The following SLC35F1 variants were observed in gnomAD, a reference collection of about 807,000 sequenced individuals.
SLC35F1 encodes chromosome 6 open reading frame 169.
A neutral mutation model predicts 48.7 loss-of-function variants in SLC35F1; 14 were observed. The observed-to-expected ratio is 0.29, with a 90% CI of 0.19 to 0.45. The LOEUF (loss-of-function observed/expected upper bound fraction) is 0.45. Ranked by LOEUF, SLC35F1 falls within the 20% of genes least tolerant of loss-of-function variation. SLC35F1 has a pLI of 1.00. For synonymous variants in SLC35F1, 190 were observed against 202.2 expected (o/e 0.94, Z 0.51); for missense variants, 404 against 500.0 (o/e 0.81, Z 1.83).
chr6:118,300,536 A>G (rs1776244174), intron 7 of SLC35F1, among the ~76,000 whole-genome samples: 1 of 152,242 alleles, frequency 6.6e-6, no homozygotes. Flanking sequence ...TCAGTTTGAA[A>G]ACAAAGCTAG....
At chr6:118,189,586 T>C (rs1196159502) in intron 2 of SLC35F1, among the ~76,000 whole-genome samples, 1 of 152,238 alleles carries the variant, frequency 6.6e-6, no homozygotes. Context: ...ATTTTGTTGA[T>C]TGTATACTTT....
At chr6:118,066,418 C>T (rs1337197297) in intron 1 of SLC35F1, among the ~76,000 whole-genome samples, 3 of 152,174 alleles carry the variant, frequency 2.0e-5, no homozygotes, top group African/African-American at 4.8e-5. Context: ...CAGTAAGAAG[C>T]GTCAGTCTTC....
chr6:117,945,180 C>A lies in SLC35F1; in HGVS notation c.173+37281C>A, dbSNP rs111947068. 6.3e-3 allele frequency among the ~76,000 whole-genome samples: 953 copies of A among 152,258 alleles called. 9 individuals carry two copies. Among genetic ancestry groups the A allele is most frequent in the African/African-American group, 0.022 (902 of 41,536 alleles). ...GTGGGGCTCCGAGGGCCAGTGCTGTCCCCATCCGTGGGTCATCTGGCAATT... is the reference window on the plus strand; with the variant it reads ...GTGGGGCTCCGAGGGCCAGTGCTGTACCCATCCGTGGGTCATCTGGCAATT... On this transcript the variant is annotated intron_variant, in intron 1 of 7. Coordinates refer to ENST00000360388, the MANE Select transcript of SLC35F1 (RefSeq NM_001029858.4).
chr6:118,132,044 A>T (rs1773721848), intron 1 of SLC35F1, among the ~76,000 whole-genome samples: 3 of 152,152 alleles, frequency 2.0e-5, no homozygotes, highest in Non-Finnish European at 2.9e-5. Flanking sequence ...CAAGAAATGG[A>T]TATACAGATT....
chr6:117,966,290 C>T (rs1438091921), intron 1 of SLC35F1, among the ~76,000 whole-genome samples: 1 of 152,142 alleles, frequency 6.6e-6, no homozygotes, highest in Non-Finnish European at 1.5e-5. Flanking sequence ...ACACTCACGG[C>T]AAAGGTCTTC....
intron 2 of SLC35F1, among the ~76,000 whole-genome samples, chr6:118,183,919 TC>T (rs1774619992): frequency 6.6e-6 from 1 of 152,200 alleles, no homozygotes; most frequent in Admixed American, 6.5e-5. Context: ...AGTCTCTTAT[TC>T]TTTGACCTTT....
At chr6:118,220,237 TC>T (rs1432143104) in intron 2 of SLC35F1, among the ~76,000 whole-genome samples, 1 of 151,908 alleles carries the variant, frequency 6.6e-6, no homozygotes, top group Non-Finnish European at 1.5e-5. Flanking sequence ...ACAATTAAGT[TC>T]CCAAATCAAG....
chr6:118,117,381 G>A (rs1773489325), intron 1 of SLC35F1, among the ~76,000 whole-genome samples: 2 of 151,992 alleles, frequency 1.3e-5, no homozygotes, highest in East Asian at 3.9e-4. Context: ...CAAATGGAGA[G>A]GAAAAATAAC....
intron 2 of SLC35F1, among the ~76,000 whole-genome samples, chr6:118,224,888 A>G (rs980091260): frequency 6.6e-6 from 1 of 152,140 alleles, no homozygotes; most frequent in Admixed American, 6.6e-5. Flanking sequence ...TCCAATTTGG[A>G]TACCCTTTAT....
chr6:117,923,611 A>ATGTACATATACGTATATG lies in SLC35F1; in HGVS notation c.173+15713_173+15714insGTACATATACGTATATGT, dbSNP rs1554216657. ...TATATACATATGTGTATATATACAT[A>ATGTACATATACGTATATG]TACATATGTATATATACATATATGT... is the stretch of plus-strand genomic sequence containing the variant. On this transcript the variant is annotated intron_variant, in intron 1 of 7. Coordinates refer to ENST00000360388, the MANE Select transcript of SLC35F1 (RefSeq NM_001029858.4). Among the ~76,000 whole-genome samples, 6 of 19,874 alleles carry ATGTACATATACGTATATG rather than the reference A, an allele frequency of 3.0e-4. 3 individuals carry two copies. The highest frequency in any genetic ancestry group is 1.4e-3 in the African/African-American group (4 of 2,810). 13.0% of individuals were successfully genotyped at this position (19,874 alleles called of 152,430 possible). A position where few individuals can be genotyped will look rare whatever the true frequency, so the allele number is the denominator to read the frequency against.
chr6:118,087,025 C>G (rs767554059), intron 1 of SLC35F1, among the ~76,000 whole-genome samples: 1 of 152,164 alleles, frequency 6.6e-6, no homozygotes, highest in Non-Finnish European at 1.5e-5. Flanking sequence ...CCCAGTCCCC[C>G]GGGACCCTAA....
intron 3 of SLC35F1, among the ~76,000 whole-genome samples, chr6:118,243,797 G>T (rs192771588): frequency 5.3e-4 from 81 of 152,282 alleles, no homozygotes; most frequent in African/African-American, 1.9e-3. Flanking sequence ...TATGACTAAA[G>T]CTCAGCTCTT....
intron 1 of SLC35F1, among the ~76,000 whole-genome samples, chr6:118,056,275 AT>A (rs1772461248): frequency 6.6e-6 from 1 of 152,158 alleles, no homozygotes; most frequent in South Asian, 2.1e-4. Context: ...CTTTAAAATA[AT>A]TTTGTTTATT....
chr6:118,022,569 C>G (rs1777408984), intron 1 of SLC35F1, among the ~76,000 whole-genome samples: 1 of 137,252 alleles, frequency 7.3e-6, no homozygotes, highest in African/African-American at 3.3e-5. Context: ...TCACCTGAGG[C>G]AGAGCTCTCA....
At chr6:118,245,409 C>G (rs2091140874) in intron 3 of SLC35F1, among the ~76,000 whole-genome samples, 1 of 152,096 alleles carries the variant, frequency 6.6e-6, no homozygotes, top group African/African-American at 2.4e-5. Flanking sequence ...ACCTTGTGGC[C>G]TGATGTCGGT....
intron 3 of SLC35F1, among the ~76,000 whole-genome samples, chr6:118,244,767 T>G (rs184373648): frequency 1.0e-3 from 153 of 152,382 alleles, no homozygotes; most frequent in Non-Finnish European, 1.9e-3. Context: ...TACTTGGAAC[T>G]TAATAAGCCC....
chr6:118,150,863 C>A (rs1484204914), intron 1 of SLC35F1, among the ~76,000 whole-genome samples: 1 of 152,106 alleles, frequency 6.6e-6, no homozygotes, highest in African/African-American at 2.4e-5. Context: ...CAAAATTCTG[C>A]AAAGTCAACA....
chr6:118,167,646 G>A (rs999469802), intron 2 of SLC35F1, among the ~76,000 whole-genome samples: 46 of 152,118 alleles, frequency 3.0e-4, no homozygotes, highest in African/African-American at 1.1e-3. Flanking sequence ...TGCTTGCAAG[G>A]CTGGAAATTG....
At position 118,285,412 on chromosome 6, in the gene SLC35F1, A is replaced by G. The variant is rs1776037432; in HGVS notation, c.1002+74A>G. On this transcript the variant is annotated intron_variant, in intron 7 of 7. Coordinates refer to ENST00000360388, the MANE Select transcript of SLC35F1 (RefSeq NM_001029858.4). The stretch of plus-strand genomic sequence containing the variant: ...AATGAACATGGGTAGGAATGCCTGG[A>G]TGTGAAATGCCCTGATTTTGTGTAG... 3.2e-6 allele frequency: 5 copies of G among 1,545,650 alleles called. No homozygotes were observed. In the African/African-American group the frequency reaches 5.4e-5, roughly 17 times the overall value.
Sources: gnomAD v4.1 joint callset for allele counts (sites outside exome capture counted in the v4.1 genomes callset) on GRCh38, gnomAD v4.1.1 for gene constraint, MANE v1.5 for transcripts, NCBI Gene and HGNC (gene_info 2026-07-23, HGNC 2026-07-21) for gene names.